The following CHD1L variants were observed in gnomAD, a reference collection of about 807,000 sequenced individuals.
CHD1L encodes ATP-dependent chromatin remodeler CHD1L.
Under a neutral mutation model 115.9 loss-of-function variants are expected in CHD1L, and 118 were observed. The observed-to-expected ratio is 1.02, with a 90% confidence interval of 0.88 to 1.19. The LOEUF is 1.19. Among genes scored for constraint, CHD1L ranks in the 50% most tolerant of loss-of-function variants. The pLI, the probability that CHD1L is intolerant of heterozygous loss-of-function variation, is 0.00. For synonymous variants in CHD1L, 411 were observed against 387.1 expected, an observed-to-expected ratio of 1.06 and a Z score of -0.72; for missense variants, 1,179 against 1,065.3, an observed-to-expected ratio of 1.11 and a Z score of -1.49.
chr1:147,203,590 A>G, the CHD1L span: 1 of 1,083,280 alleles, frequency 9.2e-7, no homozygotes, highest in Non-Finnish European at 1.4e-6. Flanking sequence ...GTGCACGGGG[A>G]ATAGCTTCAA....
intron 18 of CHD1L, 64 bp downstream of exon 18, chr1:147,286,564 G>A: frequency 6.7e-7 from 1 of 1,488,508 alleles, no homozygotes; most frequent in Non-Finnish European, 9.3e-7. Context: ...GAACTGGGGA[G>A]GATGGGGCAC....
At chr1:147,268,956 T>G in intron 10 of CHD1L, 78 bp downstream of exon 10, 1 of 1,076,274 alleles carries the variant, frequency 9.3e-7, no homozygotes, top group South Asian at 1.5e-5. Context: ...ACTGAGTTGT[T>G]CAGGCCAATT....
the CHD1L span, among the ~76,000 whole-genome samples, chr1:147,229,264 G>A: frequency 6.6e-6 from 1 of 152,046 alleles, no homozygotes; most frequent in African/African-American, 2.4e-5. Context: ...ATTAAATAGG[G>A]AATCCTTTCC....
chr1:147,270,186 G>A (rs920768982), intron 10 of CHD1L, among the ~76,000 whole-genome samples: 12 of 152,270 alleles, frequency 7.9e-5, no homozygotes, highest in African/African-American at 2.6e-4. Context: ...GATTAAATAA[G>A]TTTTTATAAT....
At chr1:147,283,213 G>A (rs1363979616) in intron 15 of CHD1L, among the ~76,000 whole-genome samples, 1 of 152,024 alleles carries the variant, frequency 6.6e-6, no homozygotes, top group Non-Finnish European at 1.5e-5. Flanking sequence ...GTGCCTCATT[G>A]AAAGCCCCCT....
the CHD1L span, among the ~76,000 whole-genome samples, chr1:147,235,796 A>G: frequency 6.6e-6 from 1 of 152,152 alleles, no homozygotes; most frequent in African/African-American, 2.4e-5. Flanking sequence ...TTGGCTTCCT[A>G]TGGTATATTA....
intron 8 of CHD1L, 50 bp from the exon 9 acceptor site, chr1:147,267,376 T>A: frequency 4.2e-6 from 6 of 1,419,640 alleles, no homozygotes; most frequent in Non-Finnish European, 5.9e-6. Context: ...GTTTCTGTTT[T>A]GTTCAGTAGG....
chr1:147,285,595 T>G, intron 17 of CHD1L, 108 bp downstream of exon 17: 1 of 1,208,022 alleles, frequency 8.3e-7, no homozygotes, highest in South Asian at 1.7e-5. Flanking sequence ...CATTTTAAGT[T>G]GGTTCCTATT....
chr1:147,288,889 ACCT>A (rs1684431826), intron 19 of CHD1L, among the ~76,000 whole-genome samples: 1 of 152,048 alleles, frequency 6.6e-6, no homozygotes, highest in Non-Finnish European at 1.5e-5. Flanking sequence ...GGAAAAAGGC[ACCT>A]CCTTTTACAT....
Position 147,242,806 on chromosome 1 carries a change from G to C in CHD1L, c.103G>C (p.Asp35His). The C allele has an allele frequency of 7.8e-7, 1 of 1,277,522 alleles. No homozygotes were observed. Among genetic ancestry groups the C allele is most frequent in the East Asian group, 2.9e-5 (1 of 33,996 alleles). The allele number at this position is 1,277,522 out of a possible 1,614,324, so 79.1% of individuals were successfully genotyped here. ...CGAGGCGGCGCGGGTGCAGGAGCAG[G>C]ACTTACGGCAGTGGGGGCTGACAGG... ...RAEAARVQEQ[D>H]LRQWGLTGIH... The change falls in exon 1 of 23, where the codon GAC (aspartate) becomes CAC (histidine). Residue 35 changes from aspartate to histidine, a missense_variant. Coordinates refer to ENST00000369258, the MANE Select transcript of CHD1L (RefSeq NM_004284.6).
At chr1:147,286,542 T>G in intron 18 of CHD1L, 42 bp downstream of exon 18, 6 of 1,577,220 alleles carry the variant, frequency 3.8e-6, no homozygotes, top group Non-Finnish European at 5.2e-6. Flanking sequence ...GCCTCAGTCC[T>G]TATGGTGCCA....
At chr1:147,214,958 T>C in the CHD1L span, 1 of 152,168 alleles carries the variant, frequency 6.6e-6, no homozygotes, top group Admixed American at 6.5e-5. Flanking sequence ...ACTAGATGTT[T>C]TCATTTTCTT....
rs1312901526 is a variant in CHD1L at position 147,275,374 on chromosome 1, A to G, written c.1291A>G (p.Thr431Ala). Residue 431 changes from threonine (T) to alanine (A), a missense_variant, in exon 13 of 23, where the codon ACA becomes GCA. Thr to Ala is a moderately conservative substitution (Grantham distance 58). Transcript: ENST00000369258. ...TRAGGVGMNLTAADTVIFVDS... is the reference protein window; with the variant it reads ...TRAGGVGMNLAAADTVIFVDS... ...TTCAGGTGGAGTTGGCATGAACTTA[A>G]CAGCAGCAGATACTGTGATTTTTGT... 2 of 1,613,878 alleles carry G rather than the reference A, an allele frequency of 1.2e-6. No homozygotes were observed. The highest frequency in any genetic ancestry group is 8.5e-7 in the Non-Finnish European group (1 of 1,179,794).
chr1:147,216,006 T>C, the CHD1L span: 82 of 1,293,614 alleles, frequency 6.3e-5, no homozygotes, highest in South Asian at 1.5e-4. Flanking sequence ...TAATAGCCAA[T>C]AGACATCTGA....
At chr1:147,281,940 T>TAA (rs1681051901) in intron 15 of CHD1L, among the ~76,000 whole-genome samples, 1 of 152,216 alleles carries the variant, frequency 6.6e-6, no homozygotes. Context: ...GTTATATATT[T>TAA]GTGGTGAGAA....
At chr1:147,285,301 G>A (rs1478238414) in intron 16 of CHD1L, 23 bp from the exon 17 acceptor site, 5 of 1,601,650 alleles carry the variant, frequency 3.1e-6, no homozygotes, top group African/African-American at 1.4e-5. Flanking sequence ...TGACCCTGGT[G>A]ATGGATCTTG....
chr1:147,204,702 T>C, the CHD1L span: 3 of 1,541,428 alleles, frequency 1.9e-6, no homozygotes, highest in East Asian at 4.5e-5. Flanking sequence ...GATGCTGTAC[T>C]TCTAGTTCTC....
chr1:147,235,276 T>C, the CHD1L span, among the ~76,000 whole-genome samples: 1 of 152,216 alleles, frequency 6.6e-6, no homozygotes, highest in Non-Finnish European at 1.5e-5. Context: ...TCTCCACTGA[T>C]GAGATGTGGA....
intron 15 of CHD1L, among the ~76,000 whole-genome samples, chr1:147,282,398 G>C (rs12033407): frequency 0.68 from 103,309 of 151,960 alleles, 35,233 homozygotes; most frequent in African/African-American, 0.71. Flanking sequence ...TCAATTCCCC[G>C]CTTTGCAGTA....
Sources: allele counts gnomAD v4.1 joint callset (sites outside exome capture counted in the v4.1 genomes callset), GRCh38; gene constraint gnomAD v4.1.1; transcripts MANE v1.5; gene names NCBI Gene and HGNC (gene_info 2026-07-23, HGNC 2026-07-21).